The following ANKLE2 variants were observed in gnomAD, a reference collection of about 807,000 sequenced individuals.
ANKLE2 encodes ankyrin repeat and LEM domain-containing protein 2.
A neutral mutation model predicts 84.2 loss-of-function variants in ANKLE2; 55 were observed. The ratio of observed to expected loss-of-function variants is 0.65; its 90% CI spans 0.53 to 0.82. ANKLE2 has a LOEUF of 0.82. ANKLE2 is among the 40% of genes least tolerant of loss of function. The pLI, the probability that ANKLE2 is intolerant of heterozygous loss-of-function variation, is 0.00. For missense variants in ANKLE2, 1,238 were observed against 1,201.9 expected (o/e 1.03, Z -0.44); for synonymous variants, 551 against 486.1 (o/e 1.13, Z -1.76).
At chr12:132,739,275 C>T (rs1253671730) in intron 7 of ANKLE2, among the ~76,000 whole-genome samples, 2 of 152,138 alleles carry the variant, frequency 1.3e-5, no homozygotes, top group Admixed American at 6.5e-5. Flanking sequence ...AGAAAAAGTA[C>T]GACAATTTCC....
At position 132,750,702 on chromosome 12, in the gene ANKLE2, G is replaced by A. The variant is rs1180878021; in HGVS notation, c.788C>T (p.Thr263Met). ...TTTCACAGGAGACAGTGGTAAGGAC[G>A]TTTTGCTTGGAGAAGGGAAATAATC... ...ICDYFPSPSK[T>M]SLPLSPVKTA... The change falls in exon 3 of 13, where the codon ACG becomes ATG. Residue 263 changes from threonine to methionine, a missense_variant. Transcript: ENST00000357997. The A allele has an allele frequency of 1.1e-5, 17 of 1,614,240 alleles. No homozygotes were observed. The highest frequency in any genetic ancestry group is 4.0e-5 in the African/African-American group (3 of 75,072).
Position 132,761,647 on chromosome 12 carries a change from G to A in ANKLE2, c.152C>T (p.Pro51Leu), listed in dbSNP as rs1360744461. The A allele has an allele frequency of 2.4e-6, 3 of 1,270,682 alleles. No individual in the cohort carries two copies. Among genetic ancestry groups the A allele is most frequent in the Admixed American group, 8.2e-5 (2 of 24,296 alleles). The allele number at this position is 1,270,682 out of a possible 1,614,324, so 78.7% of individuals were successfully genotyped here. The change falls in exon 1 of 13, where the codon CCG (proline) becomes CTG (leucine). Residue 51 changes from proline to leucine, a missense_variant. Pro to Leu is a moderately conservative substitution (Grantham distance 98). Coordinates refer to ENST00000357997, the MANE Select transcript of ANKLE2 (RefSeq NM_015114.3). ...GGCGGGGGCGGCGGCCGCGCTTGGCGGAGGAACTGGGGTCCCGCTGCGGCC... is the reference window on the plus strand; with the variant it reads ...GGCGGGGGCGGCGGCCGCGCTTGGCAGAGGAACTGGGGTCCCGCTGCGGCC... ...GLGRSGTPVP[P>L]PSAAAAPASG...
rs1349896492 is a variant in ANKLE2, at chr12:132,727,420, C to T, written c.2639G>A (p.Gly880Glu). ...ATCTGGCAGCTGAGACTTGAACCTT[C>T]CTTTCACCGCGGGACTGGGCCAACT... ...RQSWPSPAVK[G>E]RFKSQLPDLS... is the part of the protein sequence containing the mutation. Residue 880 changes from glycine (G) to glutamate (E), a missense_variant, in exon 13 of 13, where the codon GGA (glycine) becomes GAA (glutamate). Gly to Glu is a moderately conservative substitution (Grantham distance 98, BLOSUM62 -2). Transcript: ENST00000357997. 1 of 1,558,292 alleles carries T rather than the reference C, an allele frequency of 6.4e-7. No individual in the cohort carries two copies. Among genetic ancestry groups the T allele is most frequent in the South Asian group, 1.2e-5 (1 of 84,558 alleles).
At position 132,759,066 on chromosome 12, in the gene ANKLE2, GAGGA is replaced by G. The variant is rs1366312398; in HGVS notation, c.181+2548_181+2551del. ...CACCCCGGGGCACCCACGTGGCAGA[GAGGA>G]TCGCTGCGGAGTGGCACCCCGGGGC... On this transcript the variant is annotated intron_variant, in intron 1 of 12. Transcript: ENST00000357997. 45 of 128,302 alleles carry G rather than the reference GAGGA, an allele frequency of 3.5e-4. 3 individuals carry two copies. Among genetic ancestry groups the G allele is most frequent in the African/African-American group, 9.4e-4 (28 of 29,922 alleles). The allele number at this position is 128,302 out of a possible 1,614,324, so 7.9% of individuals were successfully genotyped here.
chr12:132,729,080 C>T (rs780726588), intron 11 of ANKLE2, among the ~76,000 whole-genome samples: 5 of 151,746 alleles, frequency 3.3e-5, no homozygotes, highest in Admixed American at 6.6e-5. Context: ...AGGCCGGGTG[C>T]GGTGGCTCAC....
chr12:132,735,528 A>T lies in ANKLE2; in HGVS notation c.1594-16T>A. 6.2e-7 allele frequency: 1 copy of T among 1,608,228 alleles called. No individual in the cohort carries two copies. Among genetic ancestry groups the T allele is most frequent in the South Asian group, 1.1e-5 (1 of 90,422 alleles). On this transcript the variant is annotated splice_polypyrimidine_tract_variant and intron_variant, in intron 8 of 12. Transcript: ENST00000357997. ...AATCTTCTGCCTATGAAGAAAAAAA[A>T]ATGTATTGAGCCGTGTCAGGCACTG...
At position 132,736,951 on chromosome 12, in the gene ANKLE2, C is replaced by G. The variant is rs375522843; in HGVS notation, c.1535G>C (p.Ser512Thr). ...EASHVSRYGG[S>T]PRDPVLTLRA... ...CAGGGTCAGTACCGGGTCTCTGGGG[C>G]TGCCTCCATAGCGGCTGACGTGAGA... The change falls in exon 8 of 13, where the codon AGC becomes ACC. Residue 512 changes from serine (S) to threonine (T), a missense_variant. This residue lies in a region of ANKLE2 where 802 missense variants were observed against 774.5 expected (regional missense o/e 1.04). Coordinates refer to ENST00000357997, the MANE Select transcript of ANKLE2 (RefSeq NM_015114.3). The G allele has an allele frequency of 3.7e-6, 6 of 1,613,892 alleles. No homozygotes were observed. The highest frequency in any genetic ancestry group is 3.4e-6 in the Non-Finnish European group (4 of 1,179,852).
At chr12:132,728,751 G>A (rs1211803155) in intron 11 of ANKLE2, among the ~76,000 whole-genome samples, 1 of 152,178 alleles carries the variant, frequency 6.6e-6, no homozygotes, top group African/African-American at 2.4e-5. Context: ...GTGCACGCCT[G>A]CATTCTCTAT....
intron 10 of ANKLE2, among the ~76,000 whole-genome samples, chr12:132,733,490 G>T (rs1293609609): frequency 1.3e-5 from 2 of 149,274 alleles, no homozygotes; most frequent in African/African-American, 5.0e-5. Context: ...GCGCGTCCTG[G>T]TGTCTGATAT....
At position 132,731,396 on chromosome 12, in the gene ANKLE2, C is replaced by T. The variant is rs1052280559; in HGVS notation, c.1892-1126G>A. 3 of 148,986 alleles carry T rather than the reference C, an allele frequency of 2.0e-5. No homozygotes were observed. In the Admixed American group the frequency reaches 2.0e-4, roughly 10 times the overall value. 9.2% of individuals were successfully genotyped at this position (148,986 alleles called of 1,614,324 possible). On this transcript the variant is annotated intron_variant, in intron 10 of 12. Coordinates refer to ENST00000357997, the MANE Select transcript of ANKLE2 (RefSeq NM_015114.3). Reference sequence around the variant, plus strand: ...CGTGACTGTTGAAGATTCACTGCTTCTTAGTTTAATGTATGTCAATCATTT... The same window carrying T: ...CGTGACTGTTGAAGATTCACTGCTTTTTAGTTTAATGTATGTCAATCATTT...
At chr12:132,760,662 G>C (rs909143165) in intron 1 of ANKLE2, 6 of 152,314 alleles carry the variant, frequency 3.9e-5, no homozygotes, top group Non-Finnish European at 7.3e-5. Flanking sequence ...CGTAAAACCG[G>C]GGGGAAGCGC....
intron 10 of ANKLE2, 43 bp downstream of exon 10, chr12:132,734,342 G>A: frequency 1.2e-6 from 2 of 1,602,160 alleles, no homozygotes; most frequent in Middle Eastern, 1.8e-4. Context: ...CCGGCCATGG[G>A]GGGCCCCTCC....
intron 4 of ANKLE2, 49 bp from the exon 5 acceptor site, chr12:132,748,069 G>A (rs1161153824): frequency 6.2e-6 from 10 of 1,603,730 alleles, no homozygotes; most frequent in African/African-American, 1.3e-5. Flanking sequence ...GTGTGGACAC[G>A]CCCTGTGCGA....
intron 1 of ANKLE2, chr12:132,757,546 G>GGCGCGGTGACTCATGCCTGT (rs1457040233): frequency 2.0e-5 from 3 of 152,314 alleles, no homozygotes; most frequent in African/African-American, 7.2e-5. Flanking sequence ...CTGATGGCTG[G>GGCGCGGTGACTCATGCCTGT]GCGCGGTGAC....
intron 10 of ANKLE2, among the ~76,000 whole-genome samples, chr12:132,732,718 CTCTCT>C (rs2043902928): frequency 8.6e-6 from 1 of 116,810 alleles, no homozygotes. Flanking sequence ...CCGTGTGAAG[CTCTCT>C]GCGTCCTGGT....
rs1566019436 is a variant in ANKLE2, at chr12:132,737,065, C to A, written c.1421G>T (p.Gly474Val). Residue 474 changes from glycine to valine, a missense_variant and splice_region_variant, in exon 8 of 13, where the codon GGC becomes GTC. Physicochemically the swap from Gly to Val is moderately radical, Grantham distance 109 (BLOSUM62 -3). Coordinates refer to ENST00000357997, the MANE Select transcript of ANKLE2 (RefSeq NM_015114.3). ...LKERIREYLK[G>V]HYYVPLLRAE... ...TCTCAGGAGGGGCACGTAGTAGTGG[C>A]CTGAGGGAGGAGACAGGCACTGGCT... The A allele has an allele frequency of 6.3e-7, 1 of 1,589,314 alleles. No individual in the cohort carries two copies. The highest frequency in any genetic ancestry group is 1.1e-5 in the South Asian group (1 of 89,554).
intron 3 of ANKLE2, among the ~76,000 whole-genome samples, chr12:132,750,025 C>CT (rs2044322537): frequency 6.6e-6 from 1 of 151,852 alleles, no homozygotes. Context: ...AAATTCTAGC[C>CT]TGGCCAACAT....
At position 132,755,068 on chromosome 12, in the gene ANKLE2, C is replaced by T. The variant is rs1295902211; in HGVS notation, c.247G>A (p.Glu83Lys). ...CATTTCAATCCGGCTTTGACGATTT[C>T]TTCTCTAAGGTCATCTGGATTCAGA... Reference protein sequence around the residue: ...KLLNPDDLREEIVKAGLKCGP... With the variant: ...KLLNPDDLREKIVKAGLKCGP... Residue 83 changes from glutamate (E) to lysine (K), a missense_variant, in exon 2 of 13, where the codon GAA becomes AAA. Coordinates refer to ENST00000357997, the MANE Select transcript of ANKLE2 (RefSeq NM_015114.3). The T allele has an allele frequency of 6.2e-7, 1 of 1,613,820 alleles. No individual in the cohort carries two copies.
Position 132,748,078 on chromosome 12 carries a change from G to T in ANKLE2, c.1042-58C>A, listed in dbSNP as rs554792743. 856 of 1,604,962 alleles carry T rather than the reference G, an allele frequency of 5.3e-4. 11 individuals carry two copies. In the South Asian group the frequency reaches 7.4e-3, roughly 14 times the overall value. On this transcript the variant is annotated intron_variant, in intron 4 of 12. Transcript: ENST00000357997. ...TCTGATGTGTGGACACGCCCTGTGC[G>T]AGTGCTGCGATGGAACGGCCGGGAC... is the stretch of plus-strand genomic sequence containing the variant.
Sources: allele counts gnomAD v4.1 joint callset (sites outside exome capture counted in the v4.1 genomes callset), GRCh38; gene constraint gnomAD v4.1.1; regional missense constraint gnomAD v4.1.1; transcripts MANE v1.5; gene names NCBI Gene and HGNC (gene_info 2026-07-23, HGNC 2026-07-21).